PLEKHA5: variants seen among roughly 807,000 people sequenced by gnomAD.
The protein encoded by PLEKHA5 is pleckstrin homology domain-containing family A member 5.
In PLEKHA5, 55 loss-of-function variants were observed where a neutral mutation model predicts 181.9. The ratio of observed to expected loss-of-function variants is 0.30; its 90% CI spans 0.24 to 0.38. The LOEUF (loss-of-function observed/expected upper bound fraction) is 0.38, where lower values mean the gene tolerates loss of function less well. Among genes scored for constraint, PLEKHA5 ranks in the 10% least tolerant of loss-of-function variants. PLEKHA5 has a pLI of 1.00. For synonymous variants in PLEKHA5, 535 were observed against 529.4 expected, an observed-to-expected ratio of 1.01 and a Z score of -0.15; for missense variants, 1,432 against 1,549.5, an observed-to-expected ratio of 0.92 and a Z score of 1.27.
chr12:19,197,756 A>G (rs2053251379), intron 3 of PLEKHA5, among the ~76,000 whole-genome samples: 1 of 147,200 alleles, frequency 6.8e-6, no homozygotes, highest in African/African-American at 2.5e-5. Flanking sequence ...GTTCACTTCC[A>G]AGGCTCTTTT....
chr12:19,203,105 T>TTTTAGTACA (rs2054569677), intron 3 of PLEKHA5, among the ~76,000 whole-genome samples: 1 of 152,070 alleles, frequency 6.6e-6, no homozygotes, highest in African/African-American at 2.4e-5. Flanking sequence ...AATTACAAGA[T>TTTTAGTACA]GATCTCAATT....
intron 20 of PLEKHA5, among the ~76,000 whole-genome samples, chr12:19,333,285 CA>C (rs904942641): frequency 6.6e-6 from 1 of 150,502 alleles, no homozygotes; most frequent in Non-Finnish European, 1.5e-5. Context: ...AACTCCATCT[CA>C]AAAAAAAGAA....
intron 3 of PLEKHA5, among the ~76,000 whole-genome samples, chr12:19,209,280 A>G (rs2056415980): frequency 6.6e-6 from 1 of 152,224 alleles, no homozygotes; most frequent in African/African-American, 2.4e-5. Context: ...AACACTCCAA[A>G]GAAATCAGCA....
chr12:19,257,132 A>G (rs2067089755), intron 5 of PLEKHA5, among the ~76,000 whole-genome samples: 1 of 152,172 alleles, frequency 6.6e-6, no homozygotes, highest in Non-Finnish European at 1.5e-5. Context: ...TTCATTTTAT[A>G]TAGCAGGTAG....
chr12:19,200,675 C>T, intron 3 of PLEKHA5: 1 of 1,031,950 alleles, frequency 9.7e-7, no homozygotes, highest in Non-Finnish European at 1.2e-6. Flanking sequence ...TTTCTTAACC[C>T]TTTCCTTGCT....
chr12:19,325,960 T>G (rs2091995937), intron 20 of PLEKHA5, among the ~76,000 whole-genome samples: 1 of 152,004 alleles, frequency 6.6e-6, no homozygotes, highest in African/African-American at 2.4e-5. Context: ...TAAGCCGAGA[T>G]CACGCCATTG....
At chr12:19,282,456 C>G (rs1592313164) in intron 11 of PLEKHA5, among the ~76,000 whole-genome samples, 1 of 152,168 alleles carries the variant, frequency 6.6e-6, no homozygotes, top group East Asian at 1.9e-4. Flanking sequence ...GGAAGTTATT[C>G]CTTCAAACCA....
chr12:19,353,813 T>G lies in PLEKHA5; in HGVS notation c.3020-71T>G, dbSNP rs2094748193. ...TCTGATTTTAAAAAGTGTCAGAAAT[T>G]AAGTAAGCTAAAAGAAAGCAATGCT... On this transcript the variant is annotated intron_variant, in intron 25 of 31. Transcript: ENST00000429027. The G allele has an allele frequency of 3.9e-6, 3 of 766,956 alleles. No individual in the cohort carries two copies. The South Asian group carries it at 4.6e-5, about 12-fold the overall frequency. The allele number at this position is 766,956 out of a possible 1,614,324, so 47.5% of individuals were successfully genotyped here.
chr12:19,258,576 T>TTTTTTTTTTTTTTTTTTTTTTTTTTTTG (rs749683226), intron 6 of PLEKHA5, among the ~76,000 whole-genome samples: 1 of 149,064 alleles, frequency 6.7e-6, no homozygotes, highest in Non-Finnish European at 1.5e-5. Context: ...TTTTTTTTTT[T>TTTTTTTTTTTTTTTTTTTTTTTTTTTTG]GTGAGACAGG....
At position 19,345,052 on chromosome 12, in the gene PLEKHA5, G is replaced by T. The variant is rs544082328; in HGVS notation, c.2663-790G>T. 3.9e-5 allele frequency among the ~76,000 whole-genome samples: 6 copies of T among 151,984 alleles called. No homozygotes were observed. The South Asian group carries it at 1.2e-3, about 32-fold the overall frequency. Reference sequence around the variant, plus strand: ...CAAGAGAATCTCTTGAACCCGGGAGGCAGAGATCACGCCACTGCACTCCAA... The same window carrying T: ...CAAGAGAATCTCTTGAACCCGGGAGTCAGAGATCACGCCACTGCACTCCAA... On this transcript the variant is annotated intron_variant, in intron 22 of 31. Transcript: ENST00000429027.
chr12:19,269,471 G>A (rs1312416280), intron 8 of PLEKHA5, among the ~76,000 whole-genome samples: 1 of 148,776 alleles, frequency 6.7e-6, no homozygotes, highest in African/African-American at 2.5e-5. Flanking sequence ...GCACCACTAA[G>A]TACTTCATTT....
At chr12:19,323,042 T>TTTTTC (rs71064084) in intron 20 of PLEKHA5, among the ~76,000 whole-genome samples, 1 of 89,876 alleles carries the variant, frequency 1.1e-5, no homozygotes, top group Non-Finnish European at 2.4e-5. Context: ...TTTTTTTTTT[T>TTTTTC]CATAGAAATG....
intron 16 of PLEKHA5, among the ~76,000 whole-genome samples, 162 bp downstream of exon 16, chr12:19,315,056 A>G (rs1208167353): frequency 1.3e-5 from 2 of 151,930 alleles, no homozygotes; most frequent in African/African-American, 4.8e-5. Context: ...GCTTTTCAAG[A>G]TGCTGCAGTA....
intron 3 of PLEKHA5, chr12:19,201,280 A>T (rs1042827883): frequency 7.2e-5 from 11 of 152,198 alleles, no homozygotes; most frequent in African/African-American, 2.6e-4. Context: ...AGCAAATTGC[A>T]AATTAAAACC....
At chr12:19,129,956 C>A in intron 1 of PLEKHA5, 68 bp downstream of exon 1, 1 of 1,481,088 alleles carries the variant, frequency 6.8e-7, no homozygotes, top group Non-Finnish European at 9.2e-7. Flanking sequence ...GCTGGCGACA[C>A]GGGGGAGAGC....
rs371091700 is a variant in PLEKHA5 at position 19,274,286 on chromosome 12, C to T, written c.846-230C>T. ...TGGTGGGAGCACACATCACTTTTTACGCTCTAGTTCTTTATGTTTTCTTTT... is the reference window on the plus strand; with the variant it reads ...TGGTGGGAGCACACATCACTTTTTATGCTCTAGTTCTTTATGTTTTCTTTT... On this transcript the variant is annotated intron_variant, in intron 10 of 31. Transcript: ENST00000429027. Among the ~76,000 whole-genome samples, 33 of 152,308 alleles carry T rather than the reference C, an allele frequency of 2.2e-4. No homozygotes were observed. The East Asian group carries it at 3.7e-3, about 17-fold the overall frequency.
rs191000741 is a variant in PLEKHA5, at chr12:19,320,558, A to G, written c.2155-4A>G. The G allele has an allele frequency of 5.9e-5, 86 of 1,445,518 alleles. No individual in the cohort carries two copies. The East Asian group carries it at 1.9e-3, about 32-fold the overall frequency. 89.5% of individuals were successfully genotyped at this position (1,445,518 alleles called of 1,614,324 possible). A position where few individuals can be genotyped will look rare whatever the true frequency, so the allele number is the denominator to read the frequency against. ...TAAGTTGCTATATGATTTTTTTCTTATAGCTGTCACAAGATGAAGGTAGAG... is the reference window on the plus strand; with the variant it reads ...TAAGTTGCTATATGATTTTTTTCTTGTAGCTGTCACAAGATGAAGGTAGAG... On this transcript the variant is annotated splice_region_variant and splice_polypyrimidine_tract_variant and intron_variant, in intron 17 of 31. Transcript: ENST00000429027.
At chr12:19,221,496 G>A (rs1292364555) in intron 3 of PLEKHA5, among the ~76,000 whole-genome samples, 2 of 152,136 alleles carry the variant, frequency 1.3e-5, no homozygotes, top group Non-Finnish European at 2.9e-5. Flanking sequence ...GGTTGAATAG[G>A]TGAAGCGCAG....
intron 22 of PLEKHA5, among the ~76,000 whole-genome samples, 171 bp from the exon 23 acceptor site, chr12:19,345,671 A>C (rs144785269): frequency 2.7e-4 from 41 of 152,142 alleles, no homozygotes; most frequent in Admixed American, 1.4e-3. Context: ...GCTGAGGCAC[A>C]AGAATTGCTT....
Sources: allele counts gnomAD v4.1 joint callset (sites outside exome capture counted in the v4.1 genomes callset), GRCh38; gene constraint gnomAD v4.1.1; transcripts MANE v1.5; gene names NCBI Gene and HGNC (gene_info 2026-07-23, HGNC 2026-07-21).